Variants in PRSS12 observed in about 807,000 individuals in gnomAD.
PRSS12 encodes the protein serine protease 12.
Under a neutral mutation model 104.4 loss-of-function variants are expected in PRSS12, and 85 were observed. The observed-to-expected ratio is 0.81, with a 90% CI of 0.68 to 0.98. The LOEUF (loss-of-function observed/expected upper bound fraction) is 0.98, where lower values mean the gene tolerates loss of function less well. Ranked by LOEUF, PRSS12 falls within the 50% of genes least tolerant of loss-of-function variation. The pLI is 0.00. For synonymous variants in PRSS12, 454 were observed against 425.2 expected (o/e 1.07, Z -0.83); for missense variants, 1,141 against 1,139.2 (o/e 1.00, Z -0.02).
Position 118,281,859 on chromosome 4 carries a change from ATC to A in PRSS12, c.*75_*76del, listed in dbSNP as rs886059033. 1.4e-5 allele frequency: 11 copies of A among 804,310 alleles called. No individual in the cohort carries two copies. Among genetic ancestry groups the A allele is most frequent in the Non-Finnish European group, 1.8e-5 (8 of 442,728 alleles). 49.8% of individuals were successfully genotyped at this position (804,310 alleles called of 1,614,324 possible). A position where few individuals can be genotyped will look rare whatever the true frequency, so the allele number is the denominator to read the frequency against. On this transcript the variant is annotated 3_prime_UTR_variant, in exon 13 of 13. Coordinates refer to ENST00000296498, the MANE Select transcript of PRSS12 (RefSeq NM_003619.4). ...AAAACAGATCTTGCCATTTGTTGTC[ATC>A]TCTGCTGAGTGCTAATAGTGGGGGT...
intron 11 of PRSS12, among the ~76,000 whole-genome samples, chr4:118,291,950 T>A (rs1033324540): frequency 2.0e-5 from 3 of 152,064 alleles, no homozygotes; most frequent in African/African-American, 7.2e-5. Flanking sequence ...TATCAAGATA[T>A]TTTGCCAGGT....
At chr4:118,305,370 TTTTCTTGATTGATAAGTA>T (rs1743521248) in intron 8 of PRSS12, among the ~76,000 whole-genome samples, 1 of 152,070 alleles carries the variant, frequency 6.6e-6, no homozygotes, top group Non-Finnish European at 1.5e-5. Context: ...CTTTTGATGC[TTTTCTTGATTGATAAGTA>T]TTACAGAAAT....
At chr4:118,288,554 A>T (rs1354017167) in intron 11 of PRSS12, among the ~76,000 whole-genome samples, 1 of 152,228 alleles carries the variant, frequency 6.6e-6, no homozygotes, top group Non-Finnish European at 1.5e-5. Flanking sequence ...AGTCAGGTAA[A>T]GTTATATTCT....
intron 3 of PRSS12, among the ~76,000 whole-genome samples, chr4:118,334,533 A>G (rs1724013275): frequency 6.6e-6 from 1 of 152,126 alleles, no homozygotes; most frequent in Admixed American, 6.6e-5. Flanking sequence ...ACAAGACATC[A>G]AGGTTTAACA....
chr4:118,349,295 T>C (rs1578945541), intron 1 of PRSS12, among the ~76,000 whole-genome samples: 1 of 152,192 alleles, frequency 6.6e-6, no homozygotes, highest in South Asian at 2.1e-4. Flanking sequence ...TCCCAGCACT[T>C]TGGGAGGCTT....
chr4:118,301,349 GAATT>G (rs2126029911), intron 8 of PRSS12, among the ~76,000 whole-genome samples: 1 of 152,224 alleles, frequency 6.6e-6, no homozygotes, highest in East Asian at 1.9e-4. Context: ...CATCTCACAT[GAATT>G]AAAGTAGAAT....
At position 118,319,050 on chromosome 4, in the gene PRSS12, A is replaced by G. The variant is rs150962823; in HGVS notation, c.972-494T>C. Among the ~76,000 whole-genome samples, 686 of 152,022 alleles carry G rather than the reference A, an allele frequency of 4.5e-3. 5 individuals carry two copies. Among genetic ancestry groups the G allele is most frequent in the Middle Eastern group, 0.014 (4 of 294 alleles). ...AATTGTGCTCCTATTTTAGACGCCT[A>G]AGTTTTGTTTTTCTTTTTGTTATGT... On this transcript the variant is annotated intron_variant, in intron 4 of 12. Transcript: ENST00000296498.
At chr4:118,318,127 A>C (rs758104364) in intron 5 of PRSS12, among the ~76,000 whole-genome samples, 1 of 152,250 alleles carries the variant, frequency 6.6e-6, no homozygotes, top group Non-Finnish European at 1.5e-5. Flanking sequence ...GGTACTATAT[A>C]CTGCAACAAA....
chr4:118,285,329 T>G (rs927918680), intron 11 of PRSS12, among the ~76,000 whole-genome samples: 4 of 152,126 alleles, frequency 2.6e-5, no homozygotes, highest in Admixed American at 2.0e-4. Context: ...GCATGGAGAG[T>G]AATCAAGTAC....
chr4:118,313,001 G>C, intron 7 of PRSS12, 200 bp downstream of exon 7: 1 of 615,982 alleles, frequency 1.6e-6, no homozygotes, highest in Non-Finnish European at 2.8e-6. Flanking sequence ...AAACAATTTA[G>C]GGGTAGAAAT....
chr4:118,332,606 T>C (rs1723957436), intron 3 of PRSS12, among the ~76,000 whole-genome samples: 2 of 152,170 alleles, frequency 1.3e-5, no homozygotes, highest in Admixed American at 6.5e-5. Flanking sequence ...TACTTTTATC[T>C]AAAATTGTCA....
At position 118,318,388 on chromosome 4, in the gene PRSS12, G is replaced by A. The variant is rs1723507125; in HGVS notation, c.1140C>T (p.Thr380=). ...GHKEDAGVSC[T]PLTDGVIRLA... ...GAGTGAAATCCTTACCTGTTAGAGG[G>A]GTACAGGACACTCCAGCATCTTCTT... Residue 380 remains threonine (T), a synonymous_variant, in exon 5 of 13, where the codon ACC becomes ACT. Coordinates refer to ENST00000296498, the MANE Select transcript of PRSS12 (RefSeq NM_003619.4). 3 of 1,613,792 alleles carry A rather than the reference G, an allele frequency of 1.9e-6. No homozygotes were observed. In the Admixed American group the frequency reaches 5.0e-5, roughly 27 times the overall value.
chr4:118,326,269 G>A (rs753656390), intron 4 of PRSS12, among the ~76,000 whole-genome samples: 59 of 152,258 alleles, frequency 3.9e-4, no homozygotes, highest in Middle Eastern at 3.4e-3. Context: ...TTACTCTCTA[G>A]AAAACAATCC....
chr4:118,282,083 T>G lies in PRSS12; in HGVS notation c.2481A>C (p.Gly827=). Residue 827 remains glycine, a synonymous_variant, in exon 13 of 13, where the codon GGA becomes GGC. Coordinates refer to ENST00000296498, the MANE Select transcript of PRSS12 (RefSeq NM_003619.4). ...RVDSCQGDSG[G]PLMCERPGES... is the part of the protein sequence containing the mutation. ...CTCCGGGCCGTTCACACATGAGTGG[T>G]CCTCCGCTGTCTCCCTGGCAGCTGT... is the stretch of plus-strand genomic sequence containing the variant. The G allele has an allele frequency of 6.2e-7, 1 of 1,614,190 alleles. No individual in the cohort carries two copies. Among genetic ancestry groups the G allele is most frequent in the Non-Finnish European group, 8.5e-7 (1 of 1,180,026 alleles).
chr4:118,308,297 G>T, intron 8 of PRSS12, 139 bp downstream of exon 8: 1 of 1,178,542 alleles, frequency 8.5e-7, no homozygotes. Flanking sequence ...TATAATTCTG[G>T]ATCAAATCAA....
At chr4:118,312,343 C>T (rs776032703) in intron 7 of PRSS12, among the ~76,000 whole-genome samples, 1 of 152,040 alleles carries the variant, frequency 6.6e-6, no homozygotes, top group Non-Finnish European at 1.5e-5. Flanking sequence ...GCTATTTTAA[C>T]ATCTATTCAT....
chr4:118,317,645 A>G (rs1211890663), intron 5 of PRSS12, among the ~76,000 whole-genome samples: 1 of 152,242 alleles, frequency 6.6e-6, no homozygotes, highest in African/African-American at 2.4e-5. Flanking sequence ...TCTGCTAATA[A>G]AAACAACTGC....
chr4:118,314,447 A>G (rs911993047), intron 6 of PRSS12, among the ~76,000 whole-genome samples: 1 of 152,100 alleles, frequency 6.6e-6, no homozygotes, highest in Non-Finnish European at 1.5e-5. Flanking sequence ...TAGAAAAGTA[A>G]TAAGCCTAAA....
At chr4:118,334,736 T>A (rs1251029644) in intron 3 of PRSS12, among the ~76,000 whole-genome samples, 1 of 152,200 alleles carries the variant, frequency 6.6e-6, no homozygotes, top group Non-Finnish European at 1.5e-5. Context: ...CTGGGCTGAC[T>A]GCTACCATTC....
Sources: allele counts gnomAD v4.1 joint callset (sites outside exome capture counted in the v4.1 genomes callset), GRCh38; gene constraint gnomAD v4.1.1; transcripts MANE v1.5; gene names NCBI Gene and HGNC (gene_info 2026-07-23, HGNC 2026-07-21).